Variants in FDFT1 observed in about 807,000 individuals in gnomAD.
The protein encoded by FDFT1 is farnesyl-diphosphate farnesyltransferase 1, also known as squalene synthase.
FDFT1 carries 68 observed loss-of-function variants against 46.8 expected under a neutral mutation model. The ratio of observed to expected loss-of-function variants is 1.45; its 90% CI spans 1.19 to 1.78. The LOEUF (loss-of-function observed/expected upper bound fraction) is 1.78, where lower values mean the gene tolerates loss of function less well. Among genes scored for constraint, FDFT1 ranks in the 40% most tolerant of loss-of-function variants. The probability of loss-of-function intolerance (pLI) is 0.00; values close to 1 mark genes in which losing one functional copy is unlikely to be tolerated. For synonymous variants in FDFT1, 351 were observed against 185.1 expected (o/e 1.90, Z -7.28); for missense variants, 928 against 524.4 (o/e 1.77, Z -7.52).
At chr8:11,817,907 T>A (rs116597518) in intron 3 of FDFT1, among the ~76,000 whole-genome samples, 1,706 of 152,276 alleles carry the variant, frequency 0.011, 32 homozygotes, top group African/African-American at 0.039. Flanking sequence ...TACTAGCTTT[T>A]CAATTTGTTT....
chr8:11,837,903 C>G (rs73543159), intron 7 of FDFT1, among the ~76,000 whole-genome samples: 2,047 of 152,206 alleles, frequency 0.013, 63 homozygotes, highest in African/African-American at 0.047. Flanking sequence ...AGGGAGGACT[C>G]CAGGGTGGTT....
intron 3 of FDFT1, among the ~76,000 whole-genome samples, chr8:11,821,478 C>G (rs1369828323): frequency 2.0e-5 from 3 of 152,170 alleles, no homozygotes; most frequent in Non-Finnish European, 2.9e-5. Context: ...GTAATGCCAG[C>G]TCCTGGAGAG....
upstream of FDFT1, chr8:11,802,234 G>A (rs1379766929): frequency 7.8e-6 from 3 of 386,388 alleles, no homozygotes; most frequent in East Asian, 2.1e-4. Context: ...GCTTGGCGCT[G>A]GCCCGGCCTT....
At chr8:11,814,106 A>G (rs1004184335) in intron 3 of FDFT1, among the ~76,000 whole-genome samples, 2 of 152,208 alleles carry the variant, frequency 1.3e-5, no homozygotes, top group Non-Finnish European at 2.9e-5. Context: ...TCTCTAATAA[A>G]TAGAACTGGT....
upstream of FDFT1, chr8:11,802,383 C>T (rs17553559): frequency 0.014 from 6,532 of 455,516 alleles, 231 homozygotes; most frequent in Admixed American, 0.086. Flanking sequence ...TGCGGACCAC[C>T]GTTGGGCTCC....
intron 1 of FDFT1, among the ~76,000 whole-genome samples, chr8:11,807,452 T>G (rs750116030): frequency 6.6e-6 from 1 of 152,210 alleles, no homozygotes; most frequent in African/African-American, 2.4e-5. Flanking sequence ...CGTGCGCCAC[T>G]GCACCCGGCC....
rs746610454 is a variant in FDFT1, at chr8:11,821,731, T to G, written c.382-19T>G. The stretch of plus-strand genomic sequence containing the variant: ...GTACATATTTCATGATTTCTGTGTT[T>G]TTACGGTTTCCATTTCAGATCTCCC... On this transcript the variant is annotated intron_variant, in intron 3 of 7. Coordinates refer to ENST00000220584, the MANE Select transcript of FDFT1 (RefSeq NM_004462.5). The G allele has an allele frequency of 1.2e-6, 2 of 1,611,982 alleles. No homozygotes were observed. The highest frequency in any genetic ancestry group is 1.7e-6 in the Non-Finnish European group (2 of 1,178,592).
chr8:11,819,610 A>G (rs1166242426), intron 3 of FDFT1, among the ~76,000 whole-genome samples: 2 of 151,590 alleles, frequency 1.3e-5, no homozygotes, highest in Non-Finnish European at 1.5e-5. Flanking sequence ...TCGATCACTG[A>G]TATCCTTTCT....
At chr8:11,825,501 G>C (rs2686203) in intron 4 of FDFT1, among the ~76,000 whole-genome samples, 146,376 of 149,594 alleles carry the variant, frequency 0.98, 71,692 homozygotes, top group South Asian at 1. Flanking sequence ...GATTGTGCCA[G>C]TGCACTCCAG....
intron 2 of FDFT1, 97 bp downstream of exon 2, chr8:11,808,988 C>T: frequency 4.6e-6 from 7 of 1,512,504 alleles, no homozygotes; most frequent in Non-Finnish European, 6.2e-6. Flanking sequence ...CTCAGCGTTG[C>T]AGCCTCGTTG....
rs762089750 is a variant in FDFT1 at position 11,821,742 on chromosome 8, C to A, written c.382-8C>A. 1 of 1,612,542 alleles carries A rather than the reference C, an allele frequency of 6.2e-7. No individual in the cohort carries two copies. Among genetic ancestry groups the A allele is most frequent in the South Asian group, 1.1e-5 (1 of 90,972 alleles). The stretch of plus-strand genomic sequence containing the variant: ...ATGATTTCTGTGTTTTTACGGTTTC[C>A]ATTTCAGATCTCCCTTGAGTTTAGA... On this transcript the variant is annotated splice_region_variant and splice_polypyrimidine_tract_variant and intron_variant, in intron 3 of 7. Transcript: ENST00000220584.
chr8:11,814,301 T>TG (rs574450208), intron 3 of FDFT1, among the ~76,000 whole-genome samples: 29 of 82,680 alleles, frequency 3.5e-4, no homozygotes, highest in African/African-American at 3.5e-3. Flanking sequence ...ATTTTATAGG[T>TG]TTTTTTTTTT....
upstream of FDFT1, among the ~76,000 whole-genome samples, chr8:11,799,810 G>A (rs1805920752): frequency 6.6e-6 from 1 of 152,044 alleles, no homozygotes. Flanking sequence ...GCTGGCCGTG[G>A]TGGTACATGC....
intron 6 of FDFT1, 95 bp downstream of exon 6, chr8:11,830,515 TC>T (rs1810631933): frequency 1.1e-6 from 1 of 889,888 alleles, no homozygotes; most frequent in Non-Finnish European, 1.8e-6. Context: ...AGGATATGAT[TC>T]CTTAAAAAGA....
chr8:11,809,403 A>C, intron 2 of FDFT1: 1 of 1,210,402 alleles, frequency 8.3e-7, no homozygotes, highest in Non-Finnish European at 1.0e-6. Flanking sequence ...ATAGTTCTAC[A>C]TTGGTTAAAT....
intron 3 of FDFT1, among the ~76,000 whole-genome samples, 162 bp from the exon 4 acceptor site, chr8:11,821,588 C>G (rs1289833879): frequency 1.3e-5 from 2 of 152,062 alleles, no homozygotes; most frequent in Non-Finnish European, 2.9e-5. Context: ...GAGACTCCAT[C>G]TCAAAAACAA....
At chr8:11,810,933 T>TTA (rs1461973200) in intron 3 of FDFT1, among the ~76,000 whole-genome samples, 15 of 89,446 alleles carry the variant, frequency 1.7e-4, no homozygotes, top group Admixed American at 2.6e-4. Flanking sequence ...GAGCAATATT[T>TTA]AAAAAAAAAA....
At chr8:11,813,660 C>T (rs1275922419) in intron 3 of FDFT1, among the ~76,000 whole-genome samples, 2 of 152,236 alleles carry the variant, frequency 1.3e-5, no homozygotes, top group Non-Finnish European at 2.9e-5. Flanking sequence ...TTCCCTGCTA[C>T]TCTTACCCTC....
intron 5 of FDFT1, among the ~76,000 whole-genome samples, chr8:11,826,677 T>C (rs1810039332): frequency 6.6e-6 from 1 of 152,118 alleles, no homozygotes; most frequent in African/African-American, 2.4e-5. Flanking sequence ...TAGCCGGGCG[T>C]GGTGGCAAGG....
Sources: allele counts gnomAD v4.1 joint callset (sites outside exome capture counted in the v4.1 genomes callset), GRCh38; gene constraint gnomAD v4.1.1; transcripts MANE v1.5; gene names NCBI Gene and HGNC (gene_info 2026-07-23, HGNC 2026-07-21).